The following RAB27B variants were observed in gnomAD, a reference collection of about 807,000 sequenced individuals.
The protein encoded by RAB27B is ras-related protein Rab-27B.
Under a neutral mutation model 24.6 loss-of-function variants are expected in RAB27B, and 15 were observed. That is an observed-to-expected ratio of 0.61 (90% CI 0.41 to 0.94). The LOEUF (loss-of-function observed/expected upper bound fraction) is 0.94. Among genes scored for constraint, RAB27B ranks in the 40% least tolerant of loss-of-function variants. RAB27B has a pLI of 0.00. For missense variants in RAB27B, 261 were observed against 266.8 expected (o/e 0.98, Z 0.15); for synonymous variants, 105 against 92.5 (o/e 1.14, Z -0.78).
intron 1 of RAB27B, among the ~76,000 whole-genome samples, chr18:54,867,437 C>CT (rs1811799048): frequency 3.6e-5 from 2 of 54,798 alleles, no homozygotes; most frequent in African/African-American, 4.7e-5. Context: ...CTTTTCTTTT[C>CT]TTTTCTTTTT....
intron 2 of RAB27B, among the ~76,000 whole-genome samples, chr18:54,776,180 G>A (rs569257668): frequency 7.8e-4 from 119 of 152,324 alleles, no homozygotes; most frequent in African/African-American, 2.6e-3. Flanking sequence ...AAAGAAATTT[G>A]CCCATAATCC....
chr18:54,840,284 C>T (rs1255846034), intron 1 of RAB27B, among the ~76,000 whole-genome samples: 3 of 152,154 alleles, frequency 2.0e-5, no homozygotes, highest in African/African-American at 7.2e-5. Context: ...TGCTTAGTGC[C>T]ATTTTGCAGC....
At position 54,889,091 on chromosome 18, in the gene RAB27B, T is replaced by G. The variant is rs112394512; in HGVS notation, c.468-133T>G. 4.1e-5 allele frequency: 35 copies of G among 849,494 alleles called. No homozygotes were observed. The African/African-American group carries it at 4.9e-4, about 12-fold the overall frequency. 52.6% of individuals were successfully genotyped at this position (849,494 alleles called of 1,614,324 possible). A position where few individuals can be genotyped will look rare whatever the true frequency, so the allele number is the denominator to read the frequency against. ...GGAAAAAACAAGGATGCTTTCCAAC[T>G]TAGCCAGCAAAACCATAATCATTTC... On this transcript the variant is annotated intron_variant, in intron 5 of 5. Coordinates refer to ENST00000262094, the MANE Select transcript of RAB27B (RefSeq NM_004163.4).
At chr18:54,877,471 T>C in intron 1 of RAB27B, 96 bp from the exon 2 acceptor site, 1 of 1,049,846 alleles carries the variant, frequency 9.5e-7, no homozygotes, top group Middle Eastern at 3.0e-4. Flanking sequence ...TATTCAACTT[T>C]TTAACCCTGA....
At chr18:54,772,901 A>T (rs937265819) in intron 2 of RAB27B, among the ~76,000 whole-genome samples, 1 of 152,066 alleles carries the variant, frequency 6.6e-6, no homozygotes, top group Non-Finnish European at 1.5e-5. Flanking sequence ...TCCCTTTGCC[A>T]TCTGGAAGAA....
At chr18:54,871,174 T>G (rs1912449875) in intron 1 of RAB27B, among the ~76,000 whole-genome samples, 1 of 152,218 alleles carries the variant, frequency 6.6e-6, no homozygotes, top group Non-Finnish European at 1.5e-5. Flanking sequence ...AAAAATTAAC[T>G]GCCTTCCTAA....
chr18:54,816,729 C>T (rs1379011525), intron 2 of RAB27B, among the ~76,000 whole-genome samples: 1 of 152,092 alleles, frequency 6.6e-6, no homozygotes, highest in African/African-American at 2.4e-5. Context: ...TGCCACAAAT[C>T]CATTTTGTCC....
At chr18:54,878,092 G>A (rs1912779424) in intron 2 of RAB27B, among the ~76,000 whole-genome samples, 1 of 152,120 alleles carries the variant, frequency 6.6e-6, no homozygotes, top group African/African-American at 2.4e-5. Flanking sequence ...CTCAATAAGA[G>A]CAAGTGATCA....
intron 2 of RAB27B, among the ~76,000 whole-genome samples, chr18:54,801,840 C>G (rs1243060910): frequency 2.0e-5 from 3 of 152,174 alleles, no homozygotes; most frequent in African/African-American, 7.2e-5. Flanking sequence ...TGGGCTCTGT[C>G]AGCAACTATG....
At chr18:54,740,145 T>C (rs1281344513) in intron 2 of RAB27B, among the ~76,000 whole-genome samples, 1 of 152,182 alleles carries the variant, frequency 6.6e-6, no homozygotes, top group Non-Finnish European at 1.5e-5. Flanking sequence ...GGAGGAAGAA[T>C]TCATCTCATG....
chr18:54,721,619 G>A (rs1909361638), intron 2 of RAB27B, among the ~76,000 whole-genome samples: 1 of 152,058 alleles, frequency 6.6e-6, no homozygotes, highest in Non-Finnish European at 1.5e-5. Context: ...CCCTTGCACA[G>A]TTTCCATCAT....
At chr18:54,834,985 C>T (rs1910839459) in intron 1 of RAB27B, among the ~76,000 whole-genome samples, 1 of 151,734 alleles carries the variant, frequency 6.6e-6, no homozygotes, top group Non-Finnish European at 1.5e-5. Flanking sequence ...AAAGCAAAAT[C>T]AGCTTGTATT....
At chr18:54,755,241 T>G (rs926249207) in intron 2 of RAB27B, among the ~76,000 whole-genome samples, 6 of 151,848 alleles carry the variant, frequency 4.0e-5, no homozygotes, top group African/African-American at 1.5e-4. Context: ...AATACAAAAA[T>G]TAGCTGGGCA....
At chr18:54,745,068 T>C (rs564690774) in intron 2 of RAB27B, 9 of 174,486 alleles carry the variant, frequency 5.2e-5, no homozygotes, top group Non-Finnish European at 9.8e-5. Context: ...TCCTGGAACC[T>C]TCCCGCACCA....
intron 1 of RAB27B, among the ~76,000 whole-genome samples, chr18:54,861,495 G>A (rs915787934): frequency 9.2e-5 from 14 of 152,120 alleles, no homozygotes; most frequent in African/African-American, 1.7e-4. Context: ...TGAATCAGGC[G>A]CCTATGGTGG....
intron 2 of RAB27B, among the ~76,000 whole-genome samples, chr18:54,877,995 A>G (rs1462131444): frequency 3.3e-5 from 5 of 152,178 alleles, no homozygotes; most frequent in Admixed American, 3.3e-4. Flanking sequence ...TGATTTGCAT[A>G]GTGTGTTTTC....
intron 2 of RAB27B, among the ~76,000 whole-genome samples, chr18:54,793,270 A>T (rs1379442168): frequency 6.6e-6 from 1 of 152,178 alleles, no homozygotes; most frequent in Non-Finnish European, 1.5e-5. Flanking sequence ...ACAGAAACAG[A>T]ATTCGTTGGA....
At chr18:54,762,346 A>T (rs1819896) in intron 2 of RAB27B, among the ~76,000 whole-genome samples, 8,250 of 152,116 alleles carry the variant, frequency 0.054, 287 homozygotes, top group South Asian at 0.084. Flanking sequence ...TGTGCCACCA[A>T]GCCTGGCTAA....
intron 1 of RAB27B, among the ~76,000 whole-genome samples, chr18:54,866,478 A>G (rs1912232603): frequency 6.6e-6 from 1 of 152,190 alleles, no homozygotes; most frequent in Non-Finnish European, 1.5e-5. Flanking sequence ...CTGTATTTCC[A>G]GTAGAGACGG....
Sources: allele counts gnomAD v4.1 joint callset (sites outside exome capture counted in the v4.1 genomes callset), GRCh38; gene constraint gnomAD v4.1.1; transcripts MANE v1.5; gene names NCBI Gene and HGNC (gene_info 2026-07-23, HGNC 2026-07-21).